UNC5C: variants seen among roughly 807,000 people sequenced by gnomAD.
UNC5C encodes netrin receptor UNC5C.
UNC5C carries 47 observed loss-of-function variants against 99.8 expected under a neutral mutation model. That is an observed-to-expected ratio of 0.47 (90% CI 0.37 to 0.60). The LOEUF (loss-of-function observed/expected upper bound fraction) is 0.60. Ranked by LOEUF, UNC5C falls within the 20% of genes least tolerant of loss-of-function variation. The pLI, the probability that UNC5C is intolerant of heterozygous loss-of-function variation, is 0.00. For synonymous variants in UNC5C, 487 were observed against 452.2 expected (o/e 1.08, Z -0.98); for missense variants, 1,062 against 1,165.9 (o/e 0.91, Z 1.30).
At chr4:95,400,381 A>ATTTTTTTTT (rs1553969357) in intron 1 of UNC5C, among the ~76,000 whole-genome samples, 1 of 97,642 alleles carries the variant, frequency 1.0e-5, no homozygotes, top group African/African-American at 4.1e-5. Flanking sequence ...AGTGAGATGA[A>ATTTTTTTTT]TTCTTTTTTT....
chr4:95,268,211 T>G (rs142152059), intron 4 of UNC5C, among the ~76,000 whole-genome samples: 4,972 of 151,780 alleles, frequency 0.033, 274 homozygotes, highest in African/African-American at 0.11. Context: ...GGTGCTGGGA[T>G]TACAGGCGTG....
intron 7 of UNC5C, among the ~76,000 whole-genome samples, chr4:95,235,788 A>T (rs979506649): frequency 6.6e-6 from 1 of 152,164 alleles, no homozygotes; most frequent in Non-Finnish European, 1.5e-5. Context: ...ATATGAACAG[A>T]CACTTCTCAA....
At position 95,198,824 on chromosome 4, in the gene UNC5C, T is replaced by C. The variant is rs79268326; in HGVS notation, c.2136+3907A>G. ...CAGTTAATGAGAGCAGGTGGAGCAATGGGAAAGGGAATGACGTGAGGTTGT... is the reference window on the plus strand; with the variant it reads ...CAGTTAATGAGAGCAGGTGGAGCAACGGGAAAGGGAATGACGTGAGGTTGT... On this transcript the variant is annotated intron_variant, in intron 12 of 15. Transcript: ENST00000453304. 7.1e-3 allele frequency among the ~76,000 whole-genome samples: 1,081 copies of C among 152,156 alleles called. 13 individuals carry two copies. The highest frequency in any genetic ancestry group is 6.9e-3 in the Non-Finnish European group (472 of 67,996).
chr4:95,175,448 A>G (rs1273228529), intron 14 of UNC5C, among the ~76,000 whole-genome samples: 1 of 151,272 alleles, frequency 6.6e-6, no homozygotes, highest in African/African-American at 2.4e-5. Flanking sequence ...GGTGGTGACA[A>G]AATCTCTCAG....
At chr4:95,196,607 G>A (rs937808569) in intron 12 of UNC5C, among the ~76,000 whole-genome samples, 1 of 150,300 alleles carries the variant, frequency 6.7e-6, no homozygotes, top group Non-Finnish European at 1.5e-5. Context: ...CAAAACCCTG[G>A]AAAATTGTTA....
intron 1 of UNC5C, among the ~76,000 whole-genome samples, chr4:95,369,129 G>A (rs1744667223): frequency 6.6e-6 from 1 of 151,982 alleles, no homozygotes; most frequent in Admixed American, 6.6e-5. Context: ...AAAGTGCTGG[G>A]ATTACAGGCA....
intron 7 of UNC5C, among the ~76,000 whole-genome samples, chr4:95,227,141 T>C (rs1430117324): frequency 2.1e-5 from 1 of 48,686 alleles, no homozygotes; most frequent in Non-Finnish European, 3.6e-5. Context: ...AAAACAATGT[T>C]TTTTTTTTTT....
chr4:95,315,737 T>C (rs1416359078), intron 2 of UNC5C, among the ~76,000 whole-genome samples: 6 of 152,214 alleles, frequency 3.9e-5, no homozygotes, highest in Non-Finnish European at 8.8e-5. Flanking sequence ...ATAAAGATGA[T>C]GACATTTGCA....
chr4:95,170,241 A>T lies in UNC5C; in HGVS notation c.2543T>A (p.Ile848Asn). The change falls in exon 15 of 16, where the codon ATC becomes AAC. Residue 848 changes from isoleucine to asparagine, a missense_variant. Transcript: ENST00000453304. ...CAGGCTGCTACAGAGCTTCTGCCGG[A>T]TAGGGAGAGGGATGCTGAAAGCACT... ...GPSAFSIPLP[I>N]RQKLCSSLDA... The T allele has an allele frequency of 1.2e-6, 2 of 1,614,046 alleles. No individual in the cohort carries two copies. The highest frequency in any genetic ancestry group is 1.7e-6 in the Non-Finnish European group (2 of 1,179,998).
intron 1 of UNC5C, among the ~76,000 whole-genome samples, chr4:95,356,206 AAAAAAAC>A (rs1744186308): frequency 7.1e-6 from 1 of 141,016 alleles, no homozygotes; most frequent in African/African-American, 2.7e-5. Context: ...AAAAAAAAAA[AAAAAAAC>A]AAAACAAAAA....
chr4:95,195,315 C>A (rs1052298578), intron 12 of UNC5C, among the ~76,000 whole-genome samples: 17 of 152,182 alleles, frequency 1.1e-4, no homozygotes, highest in African/African-American at 4.1e-4. Context: ...TGCTGCTGTA[C>A]CACGCTCCCT....
chr4:95,482,564 G>A (rs1419657598), intron 1 of UNC5C, among the ~76,000 whole-genome samples: 22 of 149,836 alleles, frequency 1.5e-4, no homozygotes, highest in African/African-American at 5.2e-4. Flanking sequence ...GCACACGTAT[G>A]TTTATTGCTG....
At chr4:95,346,307 A>G (rs1306432843) in intron 1 of UNC5C, among the ~76,000 whole-genome samples, 1 of 152,040 alleles carries the variant, frequency 6.6e-6, no homozygotes, top group Non-Finnish European at 1.5e-5. Flanking sequence ...CCCAGCAAAG[A>G]AAAGCCAGGA....
At chr4:95,468,126 G>T (rs1213075910) in intron 1 of UNC5C, among the ~76,000 whole-genome samples, 2 of 91,320 alleles carry the variant, frequency 2.2e-5, no homozygotes, top group Admixed American at 1.0e-4. Context: ...TCTGTTTTTT[G>T]GGTTTTTTTT....
intron 1 of UNC5C, among the ~76,000 whole-genome samples, chr4:95,489,401 G>C (rs1025886461): frequency 6.6e-6 from 1 of 151,600 alleles, no homozygotes; most frequent in Admixed American, 6.6e-5. Flanking sequence ...GAAGTGGGAT[G>C]ATACAAGGCA....
At chr4:95,461,720 C>T (rs1747605720) in intron 1 of UNC5C, among the ~76,000 whole-genome samples, 1 of 152,138 alleles carries the variant, frequency 6.6e-6, no homozygotes, top group African/African-American at 2.4e-5. Context: ...CATGCTGTTG[C>T]ACTGCTCAAA....
chr4:95,293,614 A>G (rs1176984646), intron 3 of UNC5C, among the ~76,000 whole-genome samples: 2 of 152,128 alleles, frequency 1.3e-5, no homozygotes, highest in Admixed American at 1.3e-4. Flanking sequence ...ACATTGCACC[A>G]GTTATAAACA....
At chr4:95,406,661 A>T (rs72659964) in intron 1 of UNC5C, among the ~76,000 whole-genome samples, 12,868 of 152,234 alleles carry the variant, frequency 0.085, 627 homozygotes, top group African/African-American at 0.12. Flanking sequence ...ACTCTACTTC[A>T]TTAACAACGT....
At chr4:95,513,263 C>G (rs1200376641) in intron 1 of UNC5C, among the ~76,000 whole-genome samples, 1 of 152,166 alleles carries the variant, frequency 6.6e-6, no homozygotes, top group Non-Finnish European at 1.5e-5. Flanking sequence ...TCTTTGTAAT[C>G]TATTTACATC....
Sources: gnomAD v4.1 joint callset for allele counts (sites outside exome capture counted in the v4.1 genomes callset) on GRCh38, gnomAD v4.1.1 for gene constraint, MANE v1.5 for transcripts, NCBI Gene and HGNC (gene_info 2026-07-23, HGNC 2026-07-21) for gene names.